Variants in SGCD observed in about 807,000 individuals in gnomAD.
The protein encoded by SGCD is delta-sarcoglycan.
In SGCD, 18 loss-of-function variants were observed where a neutral mutation model predicts 36.6. The observed-to-expected ratio is 0.49, with a 90% CI of 0.34 to 0.73. The LOEUF (loss-of-function observed/expected upper bound fraction) is 0.73, where lower values mean the gene tolerates loss of function less well. SGCD is among the 30% of genes least tolerant of loss of function. The pLI is 0.01. For synonymous variants in SGCD, 133 were observed against 130.6 expected (o/e 1.02, Z -0.12); for missense variants, 387 against 346.7 (o/e 1.12, Z -0.92).
chr5:156,103,689 T>C (rs1761578223), intron 1 of SGCD, among the ~76,000 whole-genome samples: 1 of 152,114 alleles, frequency 6.6e-6, no homozygotes, highest in African/African-American at 2.4e-5. Flanking sequence ...ATATGAAGTG[T>C]TCCAAGGCAG....
chr5:155,923,068 C>T (rs1434844284), intron 1 of SGCD, among the ~76,000 whole-genome samples: 1 of 152,158 alleles, frequency 6.6e-6, no homozygotes, highest in East Asian at 1.9e-4. Flanking sequence ...CAGCATATAT[C>T]CTTGATATGA....
At chr5:156,612,681 G>A (rs1457915080) in intron 6 of SGCD, among the ~76,000 whole-genome samples, 1 of 152,242 alleles carries the variant, frequency 6.6e-6, no homozygotes, top group Non-Finnish European at 1.5e-5. Context: ...TTGTGGTGCT[G>A]TAACTACCCA....
chr5:155,785,975 C>T, the SGCD span, among the ~76,000 whole-genome samples: 5 of 152,116 alleles, frequency 3.3e-5, no homozygotes, highest in African/African-American at 1.2e-4. Flanking sequence ...TTAGGGATTT[C>T]ACTAATGTTA....
intron 4 of SGCD, among the ~76,000 whole-genome samples, chr5:156,512,872 G>A (rs1288114235): frequency 1.3e-5 from 2 of 151,624 alleles, no homozygotes; most frequent in Non-Finnish European, 2.9e-5. Flanking sequence ...TAAGTTGTCA[G>A]TTTATAAAGA....
At chr5:156,289,346 G>T (rs1018557596) in intron 3 of SGCD, among the ~76,000 whole-genome samples, 1 of 151,808 alleles carries the variant, frequency 6.6e-6, no homozygotes, top group African/African-American at 2.4e-5. Context: ...TGCAGAATGT[G>T]CAGGTTTGTT....
chr5:155,810,304 T>G, the SGCD span, among the ~76,000 whole-genome samples: 1 of 152,230 alleles, frequency 6.6e-6, no homozygotes, highest in African/African-American at 2.4e-5. Flanking sequence ...TTTACTGATG[T>G]TCATTTATGT....
At chr5:156,417,580 C>T (rs991238043) in intron 3 of SGCD, among the ~76,000 whole-genome samples, 1 of 152,136 alleles carries the variant, frequency 6.6e-6, no homozygotes, top group African/African-American at 2.4e-5. Flanking sequence ...CAAGGTCTGG[C>T]AGCATTTGAT....
chr5:156,241,258 G>GTGTGTGTGTT (rs1765298899), intron 3 of SGCD, among the ~76,000 whole-genome samples: 1 of 148,458 alleles, frequency 6.7e-6, no homozygotes, highest in Non-Finnish European at 1.5e-5. Flanking sequence ...AAACGTGTGT[G>GTGTGTGTGTT]TGTGTGTGTG....
At chr5:156,317,765 T>A (rs1337337365) in intron 3 of SGCD, among the ~76,000 whole-genome samples, 2 of 152,238 alleles carry the variant, frequency 1.3e-5, no homozygotes, top group Admixed American at 1.3e-4. Context: ...TGAGCTCAAG[T>A]ACTGCTGTGG....
At chr5:155,923,241 C>T in intron 1 of SGCD, among the ~76,000 whole-genome samples, 1 of 150,212 alleles carries the variant, frequency 6.7e-6, no homozygotes, top group East Asian at 1.9e-4. Context: ...CATGAATAAA[C>T]TAATACATGT....
intron 4 of SGCD, among the ~76,000 whole-genome samples, chr5:156,571,527 C>T (rs1333822775): frequency 6.6e-6 from 1 of 152,028 alleles, no homozygotes; most frequent in Non-Finnish European, 1.5e-5. Context: ...TCCTCTCTCT[C>T]CCCCTGAATG....
rs59580975 is a variant in SGCD at position 156,504,392 on chromosome 5, GTATATATA to G, written c.193-4183_193-4176del. On this transcript the variant is annotated intron_variant, in intron 3 of 8. Coordinates refer to ENST00000337851, the MANE Select transcript of SGCD (RefSeq NM_000337.6). The stretch of plus-strand genomic sequence containing the variant: ...CATGAGTATATGTGGGTGTGTGTGT[GTATATATA>G]TATATATATATATATATATATATAT... Among the ~76,000 whole-genome samples the G allele has an allele frequency of 3.7e-3, 280 of 75,086 alleles. 1 individual carries two copies. Among genetic ancestry groups the G allele is most frequent in the African/African-American group, 8.1e-3 (210 of 25,938 alleles). The allele number at this position is 75,086 out of a possible 152,430, so 49.3% of individuals were successfully genotyped here. A position where few individuals can be genotyped will look rare whatever the true frequency, so the allele number is the denominator to read the frequency against.
At chr5:156,483,534 G>A (rs1352992261) in intron 3 of SGCD, among the ~76,000 whole-genome samples, 2 of 152,134 alleles carry the variant, frequency 1.3e-5, no homozygotes, top group Non-Finnish European at 1.5e-5. Context: ...TTTGTGCATC[G>A]ATAACCAAAC....
At chr5:156,724,522 G>T (rs940859452) in intron 7 of SGCD, among the ~76,000 whole-genome samples, 2 of 152,104 alleles carry the variant, frequency 1.3e-5, no homozygotes, top group African/African-American at 4.8e-5. Flanking sequence ...CAGGAGAATG[G>T]GGTGAACCCA....
At chr5:156,255,352 A>G (rs1355705799) in intron 3 of SGCD, among the ~76,000 whole-genome samples, 1 of 152,218 alleles carries the variant, frequency 6.6e-6, no homozygotes, top group Non-Finnish European at 1.5e-5. Context: ...GAATTTAAAA[A>G]TTTATATTCC....
intron 3 of SGCD, among the ~76,000 whole-genome samples, chr5:156,127,912 A>G (rs996618226): frequency 6.6e-6 from 1 of 151,202 alleles, no homozygotes; most frequent in Non-Finnish European, 1.5e-5. Flanking sequence ...CAAAAGCTAG[A>G]ATACCTTTGT....
At chr5:156,153,271 G>A (rs904289078) in intron 3 of SGCD, among the ~76,000 whole-genome samples, 2 of 150,458 alleles carry the variant, frequency 1.3e-5, no homozygotes, top group African/African-American at 2.5e-5. Flanking sequence ...TTTTTTCCTG[G>A]GAAAAATAGG....
chr5:156,593,683 T>A (rs1760815326), intron 5 of SGCD, among the ~76,000 whole-genome samples: 1 of 152,196 alleles, frequency 6.6e-6, no homozygotes, highest in Non-Finnish European at 1.5e-5. Flanking sequence ...ATGACTTCTT[T>A]CTGAGATGCC....
intron 3 of SGCD, among the ~76,000 whole-genome samples, chr5:156,404,271 C>T (rs1424990088): frequency 6.6e-6 from 1 of 152,134 alleles, no homozygotes; most frequent in Non-Finnish European, 1.5e-5. Flanking sequence ...CTCTATTTGT[C>T]CCATACTATC....
Sources: allele counts gnomAD v4.1 joint callset (sites outside exome capture counted in the v4.1 genomes callset), GRCh38; gene constraint gnomAD v4.1.1; transcripts MANE v1.5; gene names NCBI Gene and HGNC (gene_info 2026-07-23, HGNC 2026-07-21).